The following MECOM variants were observed in gnomAD, a reference collection of about 807,000 sequenced individuals.
MECOM encodes the protein histone-lysine N-methyltransferase MECOM.
In MECOM, 13 loss-of-function variants were observed where a neutral mutation model predicts 116.3. That is an observed-to-expected ratio of 0.11 (90% CI 0.07 to 0.18). MECOM has a LOEUF of 0.18. Ranked by LOEUF, MECOM falls within the 10% of genes least tolerant of loss-of-function variation. The probability of loss-of-function intolerance (pLI) is 1.00; values close to 1 mark genes in which losing one functional copy is unlikely to be tolerated. For synonymous variants in MECOM, 528 were observed against 535.2 expected (o/e 0.99, Z 0.19); for missense variants, 1,299 against 1,509.0 (o/e 0.86, Z 2.31).
rs915691667 is a variant in MECOM, at chr3:169,582,985, T to C, written c.37+80351A>G. On this transcript the variant is annotated intron_variant, in intron 1 of 16. Coordinates refer to ENST00000651503, the MANE Select transcript of MECOM (RefSeq NM_004991.4). Reference sequence around the variant, plus strand: ...AAGAAATACAAATGATTTACAGATATACACACATAGAACAAATGAATAAAG... The same window carrying C: ...AAGAAATACAAATGATTTACAGATACACACACATAGAACAAATGAATAAAG... Among the ~76,000 whole-genome samples, 3 of 152,302 alleles carry C rather than the reference T, an allele frequency of 2.0e-5. No individual in the cohort carries two copies. The East Asian group carries it at 5.8e-4, about 29-fold the overall frequency.
intron 1 of MECOM, among the ~76,000 whole-genome samples, chr3:169,636,848 A>G (rs918296733): frequency 1.3e-5 from 2 of 152,198 alleles, no homozygotes; most frequent in Non-Finnish European, 1.5e-5. Context: ...TGAATAAAGC[A>G]AAGAGTCTTG....
At chr3:169,433,681 GAAAGAAAGA>G in intron 1 of MECOM, among the ~76,000 whole-genome samples, 1 of 149,006 alleles carries the variant, frequency 6.7e-6, no homozygotes, top group African/African-American at 2.5e-5. Context: ...AAGAAAGAAA[GAAAGAAAGA>G]GAAAGAAAGA....
rs778559811 is a variant in MECOM, at chr3:169,112,821, A to G, written c.2543T>C (p.Leu848Ser). 6.2e-7 allele frequency: 1 copy of G among 1,613,140 alleles called. No homozygotes were observed. The highest frequency in any genetic ancestry group is 8.5e-7 in the Non-Finnish European group (1 of 1,179,414). Residue 848 changes from leucine (L) to serine (S), a missense_variant, in exon 9 of 17, where the codon TTG becomes TCG. Physicochemically the swap from Leu to Ser is moderately radical, Grantham distance 145 (BLOSUM62 -2). Coordinates refer to ENST00000651503, the MANE Select transcript of MECOM (RefSeq NM_004991.4). Reference protein sequence around the residue: ...DPLEALKEKYLRPSPGFLFHP... With the variant: ...DPLEALKEKYSRPSPGFLFHP... ...AAACAAGAATCCTGGAGAAGGCCTC[A>G]AGTATTTCTCTTTTAAAGCTTCAAG...
At chr3:169,371,495 A>G (rs1730116858) in intron 2 of MECOM, among the ~76,000 whole-genome samples, 1 of 144,604 alleles carries the variant, frequency 6.9e-6, no homozygotes. Context: ...CTAAGGGAGT[A>G]GATCTTAAGT....
chr3:169,155,634 TC>T (rs1224985060), intron 2 of MECOM, among the ~76,000 whole-genome samples: 32 of 152,256 alleles, frequency 2.1e-4, no homozygotes, highest in Admixed American at 1.7e-3. Flanking sequence ...CTCCAATGGA[TC>T]CCAATTTGCT....
intron 1 of MECOM, among the ~76,000 whole-genome samples, chr3:169,659,271 A>C (rs1775933351): frequency 6.6e-6 from 1 of 151,714 alleles, no homozygotes; most frequent in Non-Finnish European, 1.5e-5. Context: ...TCACACACAC[A>C]CTCACATGCA....
chr3:169,446,212 A>ACTTGAATTGTAT (rs1744595751), intron 1 of MECOM, among the ~76,000 whole-genome samples: 1 of 152,048 alleles, frequency 6.6e-6, no homozygotes, highest in African/African-American at 2.4e-5. Flanking sequence ...CTGTGTCCCC[A>ACTTGAATTGTAT]CCCAACTCTC....
intron 1 of MECOM, among the ~76,000 whole-genome samples, chr3:169,641,186 ACAGAG>A (rs962020238): frequency 5.9e-5 from 9 of 151,960 alleles, no homozygotes. Context: ...AAAACCCAGA[ACAGAG>A]CAAGATTAAG....
At chr3:169,470,434 A>G (rs1262242291) in intron 1 of MECOM, among the ~76,000 whole-genome samples, 1 of 152,192 alleles carries the variant, frequency 6.6e-6, no homozygotes, top group Non-Finnish European at 1.5e-5. Context: ...AGATCATTGG[A>G]GGTCCTGGCA....
At chr3:169,629,077 A>C in intron 1 of MECOM, among the ~76,000 whole-genome samples, 1 of 148,332 alleles carries the variant, frequency 6.7e-6, no homozygotes, top group African/African-American at 2.5e-5. Context: ...ATCCCATCCC[A>C]TCCCCTCCCC....
chr3:169,625,863 G>A (rs1771307456), intron 1 of MECOM, among the ~76,000 whole-genome samples: 1 of 152,162 alleles, frequency 6.6e-6, no homozygotes, highest in African/African-American at 2.4e-5. Flanking sequence ...AGAGATGATC[G>A]GAAGTACAGA....
rs140238011 is a variant in MECOM, at chr3:169,276,176, T to C, written c.375+105011A>G. 1.6e-3 allele frequency among the ~76,000 whole-genome samples: 240 copies of C among 152,364 alleles called. 3 individuals are homozygous for C. Among genetic ancestry groups the C allele is most frequent in the African/African-American group, 5.4e-3 (225 of 41,584 alleles). ...TAAAAAGATCAGGTTGGTTAAGTTA[T>C]GTGCCTAAGGACTTCAAGCCTTACA... On this transcript the variant is annotated intron_variant, in intron 2 of 16. Transcript: ENST00000651503.
In MECOM at chr3:169,083,663, C is replaced by G. The variant is rs1186899394; in HGVS notation, c.*1246G>C. On this transcript the variant is annotated 3_prime_UTR_variant, in exon 17 of 17. Transcript: ENST00000651503. ...AACAAAAAGAAAACAAATCTGGTTC[C>G]TCAATAAAGGGCAAAATAACTGAAT... 5.0e-6 allele frequency: 1 copy of G among 200,556 alleles called. No homozygotes were observed. Among genetic ancestry groups the G allele is most frequent in the African/African-American group, 2.3e-5 (1 of 43,574 alleles). 12.4% of individuals were successfully genotyped at this position (200,556 alleles called of 1,614,324 possible).
chr3:169,327,446 T>C (rs994143748), intron 2 of MECOM, among the ~76,000 whole-genome samples: 3 of 152,188 alleles, frequency 2.0e-5, no homozygotes, highest in Admixed American at 6.5e-5. Context: ...GAGACCAGCC[T>C]GGCCAACATA....
chr3:169,359,738 G>T (rs1269357018), intron 2 of MECOM, among the ~76,000 whole-genome samples: 1 of 151,664 alleles, frequency 6.6e-6, no homozygotes, highest in Non-Finnish European at 1.5e-5. Flanking sequence ...CACATCTGGT[G>T]TTCTCAAGAT....
intron 2 of MECOM, among the ~76,000 whole-genome samples, chr3:169,196,326 A>G (rs952441811): frequency 6.6e-6 from 1 of 152,080 alleles, no homozygotes; most frequent in African/African-American, 2.4e-5. Context: ...AAAAATTTTA[A>G]AACAACAACA....
intron 1 of MECOM, among the ~76,000 whole-genome samples, chr3:169,450,157 G>C (rs1474624897): frequency 6.6e-6 from 1 of 152,122 alleles, no homozygotes; most frequent in Admixed American, 6.6e-5. Context: ...CAATTTTATA[G>C]TTATTAGGCT....
intron 2 of MECOM, among the ~76,000 whole-genome samples, chr3:169,237,023 C>T (rs994789970): frequency 1.1e-4 from 16 of 152,164 alleles, no homozygotes; most frequent in Non-Finnish European, 1.5e-4. Flanking sequence ...ATTCTGAAAT[C>T]TCATACATGT....
At chr3:169,433,641 GAA>G (rs1189105870) in intron 1 of MECOM, among the ~76,000 whole-genome samples, 18 of 90,044 alleles carry the variant, frequency 2.0e-4, no homozygotes, top group African/African-American at 8.2e-4. Flanking sequence ...AAGAGAAAGA[GAA>G]AGAAAGAAAG....
Sources: gnomAD v4.1 joint callset for allele counts (sites outside exome capture counted in the v4.1 genomes callset) on GRCh38, gnomAD v4.1.1 for gene constraint, MANE v1.5 for transcripts, NCBI Gene and HGNC (gene_info 2026-07-23, HGNC 2026-07-21) for gene names.